The following SDCBP variants were observed in gnomAD, a reference collection of about 807,000 sequenced individuals.
SDCBP encodes syndecan binding protein.
A neutral mutation model predicts 30.5 loss-of-function variants in SDCBP; 22 were observed. That is an observed-to-expected ratio of 0.72 (90% CI 0.52 to 1.03). The LOEUF (loss-of-function observed/expected upper bound fraction) is 1.03, where lower values mean the gene tolerates loss of function less well. SDCBP is among the 50% of genes least tolerant of loss of function. The probability of loss-of-function intolerance (pLI) is 0.00; values close to 1 mark genes in which losing one functional copy is unlikely to be tolerated. For missense variants in SDCBP, 304 were observed against 369.9 expected, an observed-to-expected ratio of 0.82 and a Z score of 1.46; for synonymous variants, 103 against 118.7, an observed-to-expected ratio of 0.87 and a Z score of 0.86.
chr8:58,559,511 T>C (rs1804322633), intron 1 of SDCBP, among the ~76,000 whole-genome samples: 1 of 152,138 alleles, frequency 6.6e-6, no homozygotes, highest in Non-Finnish European at 1.5e-5. Context: ...CCTGGATTAA[T>C]ACAATTAAAT....
At chr8:58,569,365 G>C (rs1374848959) in intron 2 of SDCBP, among the ~76,000 whole-genome samples, 2 of 150,192 alleles carry the variant, frequency 1.3e-5, no homozygotes, top group African/African-American at 5.0e-5. Flanking sequence ...ACTGTGCCTG[G>C]CCAAAACAAT....
rs1176555838 is a variant in SDCBP at position 58,576,163 on chromosome 8, G to T, written c.402+102G>T. On this transcript the variant is annotated intron_variant, in intron 5 of 8. Transcript: ENST00000260130. ...ATGGAAATGCTTTAATTATAATAGT[G>T]CATCTGTAGTTGAGAATATTTTAAA... 4.7e-6 allele frequency: 4 copies of T among 847,472 alleles called. No individual in the cohort carries two copies. In the African/African-American group the frequency reaches 5.1e-5, roughly 11 times the overall value. The allele number at this position is 847,472 out of a possible 1,614,324, so 52.5% of individuals were successfully genotyped here.
chr8:58,581,957 C>T lies in SDCBP; in HGVS notation c.*217C>T, dbSNP rs1224061810. ...TTATCCTGGTTTTACAGATGTGAAA[C>T]TTTCAAGAGATTTACTGACTTTCCT... On this transcript the variant is annotated 3_prime_UTR_variant, in exon 9 of 9. Coordinates refer to ENST00000260130, the MANE Select transcript of SDCBP (RefSeq NM_005625.4). 2.1e-5 allele frequency: 11 copies of T among 522,008 alleles called. No individual in the cohort carries two copies. The highest frequency in any genetic ancestry group is 6.6e-5 in the East Asian group (2 of 30,306). The allele number at this position is 522,008 out of a possible 1,614,324, so 32.3% of individuals were successfully genotyped here.
In SDCBP at chr8:58,579,740, T is replaced by A; in HGVS notation, c.696T>A (p.Leu232=). 1 of 1,612,946 alleles carries A rather than the reference T, an allele frequency of 6.2e-7. No homozygotes were observed. The highest frequency in any genetic ancestry group is 8.5e-7 in the Non-Finnish European group (1 of 1,179,480). The change falls in exon 7 of 9, where the codon CTT becomes CTA. Residue 232 remains leucine, a synonymous_variant. Transcript: ENST00000260130. ...ATAGCTCTGCAGCCAGAAATGGTCT[T>A]CTCACGGAACATAACATCTGTGAAA... ...VKDSSAARNG[L]LTEHNICEIN...
At chr8:58,570,577 T>C in intron 2 of SDCBP, 1 of 206,368 alleles carries the variant, frequency 4.8e-6, no homozygotes, top group Non-Finnish European at 9.6e-6. Flanking sequence ...AATTTATTCA[T>C]TTTAGAATGC....
Position 58,570,969 on chromosome 8 carries a change from G to C in SDCBP, c.130+4G>C, listed in dbSNP as rs1185129250. The C allele has an allele frequency of 6.3e-7, 1 of 1,596,632 alleles. No homozygotes were observed. On this transcript the variant is annotated splice_donor_region_variant and intron_variant, in intron 3 of 8. Coordinates refer to ENST00000260130, the MANE Select transcript of SDCBP (RefSeq NM_005625.4). ...GCTCCTATCCCTCACGATGGAAGTA[G>C]GTTTATACTTTGAGTTCATTCTCTG...
intron 1 of SDCBP, among the ~76,000 whole-genome samples, chr8:58,554,888 G>C (rs1804011909): frequency 6.6e-6 from 1 of 152,114 alleles, no homozygotes; most frequent in African/African-American, 2.4e-5. Context: ...TTTTTGAGTA[G>C]GTAAACAGTC....
chr8:58,578,422 T>C (rs1322535346), intron 6 of SDCBP: 1 of 390,978 alleles, frequency 2.6e-6, no homozygotes, highest in African/African-American at 2.1e-5. Context: ...ATAGGACAAA[T>C]CTCTCTAGAA....
chr8:58,565,005 C>CT lies in SDCBP; in HGVS notation c.-15-7dup. ...TATGACATTAGAGTAATAAAACTTTCTTTTTTTCTTTAGAAGAATCCTGCA... is the reference window on the plus strand; with the variant it reads ...TATGACATTAGAGTAATAAAACTTTCTTTTTTTTCTTTAGAAGAATCCTGCA... On this transcript the variant is annotated splice_polypyrimidine_tract_variant and intron_variant, in intron 1 of 8. Transcript: ENST00000260130. 6 of 1,523,744 alleles carry CT rather than the reference C, an allele frequency of 3.9e-6. No individual in the cohort carries two copies. The highest frequency in any genetic ancestry group is 5.4e-6 in the Non-Finnish European group (6 of 1,107,710). The allele number at this position is 1,523,744 out of a possible 1,614,324, so 94.4% of individuals were successfully genotyped here. A position where few individuals can be genotyped will look rare whatever the true frequency, so the allele number is the denominator to read the frequency against.
chr8:58,560,702 G>T (rs1369645886), intron 1 of SDCBP: 1 of 152,268 alleles, frequency 6.6e-6, no homozygotes, highest in Admixed American at 6.5e-5. Context: ...TGGTCGAGAA[G>T]AAGCATCCTC....
intron 1 of SDCBP, among the ~76,000 whole-genome samples, chr8:58,562,127 A>G (rs1232660174): frequency 6.6e-6 from 1 of 152,028 alleles, no homozygotes; most frequent in Non-Finnish European, 1.5e-5. Context: ...GAAAGGAAGG[A>G]CAAAAAAGTT....
At chr8:58,579,923 G>T in intron 7 of SDCBP, 129 bp downstream of exon 7, 1 of 761,284 alleles carries the variant, frequency 1.3e-6, no homozygotes, top group Non-Finnish European at 2.0e-6. Flanking sequence ...CTGAACTCTT[G>T]GTCTGGCCAG....
At chr8:58,568,261 G>A (rs374094838) in intron 2 of SDCBP, among the ~76,000 whole-genome samples, 10 of 151,900 alleles carry the variant, frequency 6.6e-5, no homozygotes, top group Admixed American at 4.6e-4. Context: ...AAAATCGCTT[G>A]TAAGTTTGTT....
chr8:58,563,948 T>TGG (rs972045330), intron 1 of SDCBP, among the ~76,000 whole-genome samples: 10 of 152,214 alleles, frequency 6.6e-5, no homozygotes, highest in African/African-American at 2.4e-4. Context: ...GATTCCTTGG[T>TGG]GGTGGCATTC....
At chr8:58,556,632 T>C (rs1445401357) in intron 1 of SDCBP, among the ~76,000 whole-genome samples, 3 of 151,970 alleles carry the variant, frequency 2.0e-5, no homozygotes, top group Non-Finnish European at 2.9e-5. Context: ...TTTGCCAGTG[T>C]TTCCTACTTC....
chr8:58,561,796 G>C, intron 1 of SDCBP: 1 of 689,134 alleles, frequency 1.5e-6, no homozygotes, highest in East Asian at 2.7e-5. Context: ...TGTAATGGTG[G>C]TGAGTAAATC....
Position 58,570,975 on chromosome 8 carries a change from T to C in SDCBP, c.130+10T>C. Reference sequence around the variant, plus strand: ...ATCCCTCACGATGGAAGTAGGTTTATACTTTGAGTTCATTCTCTGTGAACA... The same window carrying C: ...ATCCCTCACGATGGAAGTAGGTTTACACTTTGAGTTCATTCTCTGTGAACA... On this transcript the variant is annotated intron_variant, in intron 3 of 8. Transcript: ENST00000260130. 1 of 1,574,168 alleles carries C rather than the reference T, an allele frequency of 6.4e-7. No individual in the cohort carries two copies. Among genetic ancestry groups the C allele is most frequent in the Non-Finnish European group, 8.7e-7 (1 of 1,144,420 alleles).
chr8:58,568,858 A>G (rs1804855631), intron 2 of SDCBP, among the ~76,000 whole-genome samples: 1 of 151,676 alleles, frequency 6.6e-6, no homozygotes, highest in Admixed American at 6.6e-5. Flanking sequence ...CCTTCTAGAA[A>G]CTCCTGGCAA....
At chr8:58,554,264 C>A (rs1803977845) in intron 1 of SDCBP, among the ~76,000 whole-genome samples, 1 of 152,156 alleles carries the variant, frequency 6.6e-6, no homozygotes, top group South Asian at 2.1e-4. Context: ...AGGAAATTTA[C>A]CTTGAAAAAC....
Sources: gnomAD v4.1 joint callset for allele counts (sites outside exome capture counted in the v4.1 genomes callset) on GRCh38, gnomAD v4.1.1 for gene constraint, MANE v1.5 for transcripts, NCBI Gene and HGNC (gene_info 2026-07-23, HGNC 2026-07-21) for gene names.